SGCZ: variants seen among roughly 807,000 people sequenced by gnomAD.
The protein encoded by SGCZ is zeta-sarcoglycan.
A neutral mutation model predicts 41.3 loss-of-function variants in SGCZ; 40 were observed. The observed-to-expected ratio is 0.97, with a 90% CI of 0.75 to 1.26. The LOEUF (loss-of-function observed/expected upper bound fraction) is 1.26, where lower values mean the gene tolerates loss of function less well. SGCZ is among the 50% of genes most tolerant of loss of function. SGCZ has a pLI of 0.00. For synonymous variants in SGCZ, 206 were observed against 137.5 expected, an observed-to-expected ratio of 1.50 and a Z score of -3.49; for missense variants, 552 against 369.8, an observed-to-expected ratio of 1.49 and a Z score of -4.04.
At chr8:15,159,759 C>G (rs1427415445) in intron 1 of SGCZ, among the ~76,000 whole-genome samples, 1 of 71,876 alleles carries the variant, frequency 1.4e-5, no homozygotes, top group African/African-American at 4.3e-5. Flanking sequence ...CCCACCCCCG[C>G]CACACACACA....
chr8:14,323,918 G>T (rs1005151451), intron 3 of SGCZ, among the ~76,000 whole-genome samples, 185 bp downstream of exon 3: 1 of 152,036 alleles, frequency 6.6e-6, no homozygotes, highest in Non-Finnish European at 1.5e-5. Flanking sequence ...TCTAAGATTT[G>T]TCGGGTTGAA....
intron 1 of SGCZ, among the ~76,000 whole-genome samples, chr8:15,037,677 T>C (rs1803920860): frequency 6.6e-6 from 1 of 152,130 alleles, no homozygotes; most frequent in African/African-American, 2.4e-5. Flanking sequence ...AAGTAAGAAG[T>C]TAAACTGTCC....
chr8:14,594,820 T>C (rs1368581870), intron 1 of SGCZ, among the ~76,000 whole-genome samples: 24 of 151,862 alleles, frequency 1.6e-4, no homozygotes, highest in Admixed American at 1.5e-3. Flanking sequence ...TGCAATGTTA[T>C]GACGTAAGAC....
At chr8:14,188,300 C>G (rs1032965459) in intron 4 of SGCZ, among the ~76,000 whole-genome samples, 2 of 152,166 alleles carry the variant, frequency 1.3e-5, no homozygotes, top group African/African-American at 4.8e-5. Context: ...CATATTTCTT[C>G]TCTTTTCTTC....
intron 1 of SGCZ, among the ~76,000 whole-genome samples, chr8:15,156,847 A>C (rs1347137694): frequency 6.6e-6 from 1 of 151,554 alleles, no homozygotes; most frequent in Non-Finnish European, 1.5e-5. Flanking sequence ...CAGGAGGCTG[A>C]GGCAGGAGAT....
intron 1 of SGCZ, among the ~76,000 whole-genome samples, chr8:14,686,808 C>T (rs1808625942): frequency 6.6e-6 from 1 of 151,944 alleles, no homozygotes; most frequent in African/African-American, 2.4e-5. Context: ...TTCTGATTGT[C>T]CAGGAAGGGA....
intron 1 of SGCZ, among the ~76,000 whole-genome samples, chr8:14,921,730 G>A (rs187420445): frequency 2.6e-5 from 4 of 152,102 alleles, no homozygotes; most frequent in African/African-American, 9.7e-5. Flanking sequence ...AACATCTGCT[G>A]TGATGACAAC....
At chr8:14,609,481 C>A (rs144871056) in intron 1 of SGCZ, among the ~76,000 whole-genome samples, 2 of 152,130 alleles carry the variant, frequency 1.3e-5, no homozygotes, top group East Asian at 3.9e-4. Flanking sequence ...TTAAATTAGA[C>A]CTTCTGGCAT....
intron 1 of SGCZ, among the ~76,000 whole-genome samples, chr8:14,878,620 C>A (rs1468766444): frequency 1.3e-5 from 2 of 152,030 alleles, no homozygotes; most frequent in Non-Finnish European, 2.9e-5. Context: ...ATTTAACAAA[C>A]GTATGCATAT....
intron 2 of SGCZ, among the ~76,000 whole-genome samples, chr8:14,454,285 GA>G (rs1800680674): frequency 6.6e-6 from 1 of 152,120 alleles, no homozygotes; most frequent in Non-Finnish European, 1.5e-5. Context: ...AACAAATCTG[GA>G]CTTTAGGAAC....
chr8:14,792,494 C>T (rs1336425109), intron 1 of SGCZ, among the ~76,000 whole-genome samples: 1 of 152,122 alleles, frequency 6.6e-6, no homozygotes, highest in Non-Finnish European at 1.5e-5. Context: ...CAATAATCTT[C>T]AAATTGTAAA....
intron 4 of SGCZ, among the ~76,000 whole-genome samples, chr8:14,224,924 G>A (rs1020875408): frequency 1.3e-5 from 2 of 152,050 alleles, no homozygotes; most frequent in Non-Finnish European, 2.9e-5. Context: ...AAATTACTTT[G>A]GTTTATTTTG....
intron 1 of SGCZ, among the ~76,000 whole-genome samples, chr8:14,700,502 C>G (rs1490944450): frequency 6.6e-6 from 1 of 151,838 alleles, no homozygotes; most frequent in Non-Finnish European, 1.5e-5. Context: ...AAACTACCTG[C>G]TGAGTACATG....
At chr8:14,482,118 A>G (rs768435904) in intron 2 of SGCZ, among the ~76,000 whole-genome samples, 9 of 152,148 alleles carry the variant, frequency 5.9e-5, no homozygotes, top group African/African-American at 1.9e-4. Flanking sequence ...AAAAATCAAC[A>G]TAGTTTTCCC....
At chr8:14,894,559 C>T (rs564785271) in intron 1 of SGCZ, among the ~76,000 whole-genome samples, 2 of 152,238 alleles carry the variant, frequency 1.3e-5, no homozygotes, top group East Asian at 3.9e-4. Context: ...CTTATCTTTG[C>T]TTCAGATGAT....
chr8:14,650,336 G>A (rs1200090835), intron 1 of SGCZ, among the ~76,000 whole-genome samples: 1 of 152,126 alleles, frequency 6.6e-6, no homozygotes, highest in Non-Finnish European at 1.5e-5. Flanking sequence ...TAGCTTTAAA[G>A]TGGATGATGT....
intron 1 of SGCZ, among the ~76,000 whole-genome samples, chr8:14,715,557 CA>C (rs1177497096): frequency 2.1e-5 from 3 of 142,642 alleles, no homozygotes; most frequent in African/African-American, 2.7e-5. Flanking sequence ...CACACACACA[CA>C]CAAACATGCA....
chr8:14,577,757 T>C (rs1804759364), intron 1 of SGCZ, among the ~76,000 whole-genome samples: 1 of 152,200 alleles, frequency 6.6e-6, no homozygotes, highest in African/African-American at 2.4e-5. Flanking sequence ...TAAAGTAACA[T>C]TCATCATTTT....
intron 5 of SGCZ, among the ~76,000 whole-genome samples, chr8:14,141,157 G>C (rs932224265): frequency 3.3e-5 from 5 of 152,116 alleles, no homozygotes; most frequent in Admixed American, 6.5e-5. Flanking sequence ...GTTACACCTT[G>C]TACAAAAATT....
Sources: gnomAD v4.1 joint callset for allele counts (sites outside exome capture counted in the v4.1 genomes callset) on GRCh38, gnomAD v4.1.1 for gene constraint, MANE v1.5 for transcripts, NCBI Gene and HGNC (gene_info 2026-07-23, HGNC 2026-07-21) for gene names.